EFCAB8: variants seen among roughly 807,000 people sequenced by gnomAD.
EFCAB8 encodes EF-hand calcium-binding domain-containing protein 8.
In EFCAB8, 100 loss-of-function variants were observed where a neutral mutation model predicts 116.3. That is an observed-to-expected ratio of 0.86 (90% CI 0.73 to 1.02). The LOEUF (loss-of-function observed/expected upper bound fraction) is 1.02. Ranked by LOEUF, EFCAB8 falls within the 50% of genes least tolerant of loss-of-function variation. The pLI, the probability that EFCAB8 is intolerant of heterozygous loss-of-function variation, is 0.00. For missense variants in EFCAB8, 1,320 were observed against 1,416.9 expected, an observed-to-expected ratio of 0.93 and a Z score of 1.10; for synonymous variants, 558 against 567.9, an observed-to-expected ratio of 0.98 and a Z score of 0.25.
chr20:32,947,059 A>C (rs540625589), intron 23 of EFCAB8, among the ~76,000 whole-genome samples: 1 of 152,290 alleles, frequency 6.6e-6, no homozygotes, highest in African/African-American at 2.4e-5. Flanking sequence ...AGTCATTGTC[A>C]GTTTTGGATG....
intron 23 of EFCAB8, among the ~76,000 whole-genome samples, chr20:32,951,201 G>A (rs901441897): frequency 2.0e-5 from 3 of 152,182 alleles, no homozygotes; most frequent in Non-Finnish European, 4.4e-5. Context: ...TTCTATGAAA[G>A]CATATGCCCG....
At chr20:32,891,039 G>C (rs532176913) in intron 7 of EFCAB8, among the ~76,000 whole-genome samples, 50 of 152,332 alleles carry the variant, frequency 3.3e-4, no homozygotes, top group African/African-American at 1.2e-3. Flanking sequence ...TGTTTCCTGG[G>C]GACCCAGTGC....
chr20:32,865,400 G>A (rs1199960306), intron 2 of EFCAB8, among the ~76,000 whole-genome samples: 3 of 152,210 alleles, frequency 2.0e-5, no homozygotes, highest in Admixed American at 6.5e-5. Flanking sequence ...GTGCATGCTT[G>A]AAACTAGAAA....
Position 32,898,518 on chromosome 20 carries a change from A to G in EFCAB8, c.983A>G (p.Gln328Arg). Residue 328 changes from glutamine (Q) to arginine (R), a missense_variant, in exon 11 of 27, where the codon CAG becomes CGG. By Grantham distance (43) the Gln-to-Arg change is conservative. Transcript: ENST00000400522. Reference sequence around the variant, plus strand: ...GCTCTCCATCCCAACTGGTGTGAGCAGGTCAAGTTCATCCCCCAGATGAAT... The same window carrying G: ...GCTCTCCATCCCAACTGGTGTGAGCGGGTCAAGTTCATCCCCCAGATGAAT... ...LKALHPNWCE[Q>R]VKFIPQMNVV... 1 of 718,596 alleles carries G rather than the reference A, an allele frequency of 1.4e-6. No individual in the cohort carries two copies. The highest frequency in any genetic ancestry group is 2.6e-6 in the Non-Finnish European group (1 of 385,076). 44.5% of individuals were successfully genotyped at this position (718,596 alleles called of 1,614,324 possible).
chr20:32,882,340 G>T (rs144022542), intron 5 of EFCAB8, among the ~76,000 whole-genome samples: 116 of 152,172 alleles, frequency 7.6e-4, no homozygotes, highest in South Asian at 1.5e-3. Flanking sequence ...GCATTTCCTC[G>T]TTGGTCACTT....
intron 23 of EFCAB8, among the ~76,000 whole-genome samples, chr20:32,958,190 GCTTTAGGC>G (rs1989031738): frequency 6.6e-6 from 1 of 152,178 alleles, no homozygotes; most frequent in Non-Finnish European, 1.5e-5. Context: ...GGGGCAGGAT[GCTTTAGGC>G]CTGAGCTCCG....
intron 23 of EFCAB8, among the ~76,000 whole-genome samples, chr20:32,953,396 C>A (rs1988857296): frequency 6.6e-6 from 1 of 152,164 alleles, no homozygotes; most frequent in Non-Finnish European, 1.5e-5. Flanking sequence ...TTTTGAGGAA[C>A]CTCCATACTG....
In EFCAB8 at chr20:32,898,709, A is replaced by G. The variant is rs1168632630; in HGVS notation, c.1088+86A>G. On this transcript the variant is annotated intron_variant, in intron 11 of 26. Coordinates refer to ENST00000400522, the MANE Select transcript of EFCAB8 (RefSeq NM_001143967.2). ...GGACCATGGGGGCTGACAGTGGCAG[A>G]TGGTGGTTGGTGTATGGACTCTGGG... 9 of 682,584 alleles carry G rather than the reference A, an allele frequency of 1.3e-5. No homozygotes were observed. The Admixed American group carries it at 1.7e-4, about 13-fold the overall frequency. 42.3% of individuals were successfully genotyped at this position (682,584 alleles called of 1,614,324 possible).
At chr20:32,895,732 C>T (rs555240852) in intron 9 of EFCAB8, among the ~76,000 whole-genome samples, 15 of 152,012 alleles carry the variant, frequency 9.9e-5, no homozygotes, top group Non-Finnish European at 1.8e-4. Flanking sequence ...CCACCATGCC[C>T]GGCTAATTTT....
In EFCAB8 at chr20:32,960,999, CCACAGT is replaced by C. The variant is rs1989131951; in HGVS notation, c.3394-135_3394-130del. 6.7e-6 allele frequency: 5 copies of C among 742,022 alleles called. No homozygotes were observed. In the Admixed American group the frequency reaches 1.1e-4, roughly 17 times the overall value. 46.0% of individuals were successfully genotyped at this position (742,022 alleles called of 1,614,324 possible). A position where few individuals can be genotyped will look rare whatever the true frequency, so the allele number is the denominator to read the frequency against. ...CGCAGGCCACGGTGGTTAGTGGTAGCCACAGTCCTCTGGACACACGCCTTCTTGGCA... is the reference window on the plus strand; with the variant it reads ...CGCAGGCCACGGTGGTTAGTGGTAGCCCTCTGGACACACGCCTTCTTGGCA... On this transcript the variant is annotated intron_variant, in intron 26 of 26. Coordinates refer to ENST00000400522, the MANE Select transcript of EFCAB8 (RefSeq NM_001143967.2).
intron 22 of EFCAB8, among the ~76,000 whole-genome samples, chr20:32,936,882 G>T (rs1374920017): frequency 6.6e-6 from 1 of 152,184 alleles, no homozygotes; most frequent in East Asian, 1.9e-4. Context: ...CATTGAATCT[G>T]TAGATTGCTT....
chr20:32,881,389 G>T (rs1985330100), intron 5 of EFCAB8, among the ~76,000 whole-genome samples: 2 of 152,156 alleles, frequency 1.3e-5, no homozygotes, highest in Non-Finnish European at 2.9e-5. Context: ...TAGAGATGGA[G>T]TTTCACCATG....
At chr20:32,905,738 C>T (rs570326328) in intron 11 of EFCAB8, among the ~76,000 whole-genome samples, 3 of 131,574 alleles carry the variant, frequency 2.3e-5, no homozygotes, top group Non-Finnish European at 4.8e-5. Context: ...CCAGCCTGGG[C>T]GACAGAGTGA....
intron 6 of EFCAB8, among the ~76,000 whole-genome samples, chr20:32,888,326 G>T (rs758047602): frequency 1.3e-5 from 2 of 152,036 alleles, no homozygotes; most frequent in African/African-American, 2.4e-5. Context: ...CCCGGGTTCA[G>T]GTGATTCTTC....
At chr20:32,923,969 G>A (rs1987568316) in intron 20 of EFCAB8, among the ~76,000 whole-genome samples, 1 of 152,164 alleles carries the variant, frequency 6.6e-6, no homozygotes, top group South Asian at 2.1e-4. Context: ...GAAAGCTTTT[G>A]CTATCTTGCA....
At chr20:32,957,143 A>C (rs979219675) in intron 23 of EFCAB8, among the ~76,000 whole-genome samples, 1 of 150,954 alleles carries the variant, frequency 6.6e-6, no homozygotes, top group Non-Finnish European at 1.5e-5. Flanking sequence ...ATTCTTTTCC[A>C]CCATTTTATT....
At chr20:32,944,471 AAAT>A (rs1379027395) in intron 23 of EFCAB8, among the ~76,000 whole-genome samples, 1 of 152,078 alleles carries the variant, frequency 6.6e-6, no homozygotes, top group Non-Finnish European at 1.5e-5. Context: ...TCTAAAAAAA[AAAT>A]AATAATAAAA....
chr20:32,920,840 C>T (rs982994290), intron 20 of EFCAB8, among the ~76,000 whole-genome samples: 1 of 152,102 alleles, frequency 6.6e-6, no homozygotes, highest in Admixed American at 6.5e-5. Context: ...AGTGTCCCCT[C>T]TGGGAGGGGA....
chr20:32,872,728 A>T (rs1447807107), intron 3 of EFCAB8, among the ~76,000 whole-genome samples: 2 of 151,338 alleles, frequency 1.3e-5, no homozygotes, highest in Non-Finnish European at 2.9e-5. Flanking sequence ...CAGGAGGTGG[A>T]GGTTGTAGTG....
Sources: gnomAD v4.1 joint callset for allele counts (sites outside exome capture counted in the v4.1 genomes callset) on GRCh38, gnomAD v4.1.1 for gene constraint, MANE v1.5 for transcripts, NCBI Gene and HGNC (gene_info 2026-07-23, HGNC 2026-07-21) for gene names.